The following GKAP1 variants were observed in gnomAD, a reference collection of about 807,000 sequenced individuals.
The protein encoded by GKAP1 is G kinase-anchoring protein 1.
In GKAP1, 31 loss-of-function variants were observed where a neutral mutation model predicts 56.7. That is an observed-to-expected ratio of 0.55 (90% CI 0.41 to 0.74). The LOEUF (loss-of-function observed/expected upper bound fraction) is 0.74. GKAP1 is among the 30% of genes least tolerant of loss of function. GKAP1 has a pLI of 0.00. For missense variants in GKAP1, 364 were observed against 402.3 expected (o/e 0.90, Z 0.82); for synonymous variants, 151 against 138.6 (o/e 1.09, Z -0.63).
intron 8 of GKAP1, among the ~76,000 whole-genome samples, chr9:83,753,970 T>C (rs1211089028): frequency 1.3e-5 from 2 of 152,210 alleles, no homozygotes; most frequent in Non-Finnish European, 2.9e-5. Context: ...AGGATGTTGT[T>C]CTTTGGAACT....
Position 83,806,323 on chromosome 9 carries a change from C to T in GKAP1, c.195G>A (p.Gln65=), listed in dbSNP as rs748385812. Residue 65 remains glutamine (Q), a synonymous_variant, in exon 3 of 13, where the codon CAG becomes CAA. Coordinates refer to ENST00000376371, the MANE Select transcript of GKAP1 (RefSeq NM_025211.4). The stretch of plus-strand genomic sequence containing the variant: ...TTACCTCATTTGCTTCACTCTGTTG[C>T]TGTTCCTTCTTTTTTCTTCTTTTCT... The part of the protein sequence containing the change: ...KREKRRKKKE[Q]QQSEANELRN... 5 of 1,550,236 alleles carry T rather than the reference C, an allele frequency of 3.2e-6. No homozygotes were observed. Among genetic ancestry groups the T allele is most frequent in the African/African-American group, 1.4e-5 (1 of 73,048 alleles).
chr9:83,811,320 A>C (rs1159240151), intron 2 of GKAP1, among the ~76,000 whole-genome samples: 1 of 152,250 alleles, frequency 6.6e-6, no homozygotes, highest in African/African-American at 2.4e-5. Context: ...GTGAGTGGTC[A>C]GCCACTGAAA....
intron 3 of GKAP1, among the ~76,000 whole-genome samples, chr9:83,801,552 G>C (rs904382424): frequency 1.3e-5 from 2 of 152,152 alleles, no homozygotes; most frequent in African/African-American, 4.8e-5. Context: ...AAACACCACT[G>C]TAAGTAGCTG....
intron 7 of GKAP1, among the ~76,000 whole-genome samples, chr9:83,778,660 T>C (rs959903104): frequency 6.6e-6 from 1 of 152,000 alleles, no homozygotes; most frequent in East Asian, 1.9e-4. Flanking sequence ...AATTTACCTA[T>C]ATAATAAACC....
chr9:83,771,296 G>A (rs926733410), intron 7 of GKAP1, among the ~76,000 whole-genome samples: 6 of 151,036 alleles, frequency 4.0e-5, no homozygotes, highest in African/African-American at 1.5e-4. Context: ...GTTGGCCAGT[G>A]GGTCTCAAAC....
intron 3 of GKAP1, among the ~76,000 whole-genome samples, chr9:83,803,835 T>C (rs2131318266): frequency 6.7e-6 from 1 of 148,822 alleles, no homozygotes; most frequent in Non-Finnish European, 1.5e-5. Flanking sequence ...AGCCATCCCA[T>C]CTGGGAAGTG....
At chr9:83,748,921 G>A (rs977210299) in intron 9 of GKAP1, 3 of 152,054 alleles carry the variant, frequency 2.0e-5, no homozygotes, top group African/African-American at 7.2e-5. Context: ...GAATTTTATA[G>A]GACAGTTCTA....
intron 8 of GKAP1, among the ~76,000 whole-genome samples, chr9:83,755,434 C>T (rs545834008): frequency 8.5e-5 from 13 of 152,052 alleles, no homozygotes; most frequent in Non-Finnish European, 1.6e-4. Context: ...AAAGATTTTG[C>T]TTTATTGTTT....
intron 7 of GKAP1, among the ~76,000 whole-genome samples, chr9:83,769,999 A>G (rs749297451): frequency 2.0e-5 from 3 of 152,146 alleles, no homozygotes; most frequent in African/African-American, 4.8e-5. Context: ...GAAGATTTGT[A>G]TATCTTTTTG....
chr9:83,806,591 G>C, intron 2 of GKAP1, 31 bp from the exon 3 acceptor site: 1 of 1,215,064 alleles, frequency 8.2e-7, no homozygotes. Context: ...AGGCAGATGG[G>C]TAAACAAACA....
chr9:83,812,895 A>G (rs1431757616), intron 2 of GKAP1, among the ~76,000 whole-genome samples: 1 of 152,340 alleles, frequency 6.6e-6, no homozygotes, highest in Non-Finnish European at 1.5e-5. Context: ...CATACTTTTA[A>G]GAGAACACTA....
intron 3 of GKAP1, among the ~76,000 whole-genome samples, chr9:83,804,663 G>T (rs1944404270): frequency 6.8e-6 from 1 of 147,418 alleles, no homozygotes; most frequent in Admixed American, 6.6e-5. Context: ...CCCCGTCCGG[G>T]AGGGAGGTGG....
chr9:83,780,308 C>T (rs1943948077), intron 7 of GKAP1, 74 bp downstream of exon 7: 1 of 874,416 alleles, frequency 1.1e-6, no homozygotes. Flanking sequence ...TCAAAAAAGA[C>T]TTACTGCTAA....
chr9:83,768,210 T>C (rs1943695800), intron 8 of GKAP1, among the ~76,000 whole-genome samples: 1 of 152,188 alleles, frequency 6.6e-6, no homozygotes, highest in Non-Finnish European at 1.5e-5. Flanking sequence ...GTAAACTTCT[T>C]AGTTGCAGAA....
chr9:83,792,518 T>G (rs1016600415), intron 4 of GKAP1, among the ~76,000 whole-genome samples: 1 of 152,118 alleles, frequency 6.6e-6, no homozygotes, highest in Non-Finnish European at 1.5e-5. Context: ...AAGAAGAGAC[T>G]GATCAAGTTT....
chr9:83,788,795 G>C (rs1944107927), intron 4 of GKAP1, 117 bp from the exon 5 acceptor site: 2 of 561,330 alleles, frequency 3.6e-6, no homozygotes, highest in Admixed American at 6.3e-5. Context: ...AAAACAATAT[G>C]GATTCTCCAA....
At chr9:83,815,435 C>T (rs543028708) in intron 2 of GKAP1, among the ~76,000 whole-genome samples, 1 of 151,668 alleles carries the variant, frequency 6.6e-6, no homozygotes, top group Admixed American at 6.6e-5. Context: ...TCCTAAGTGG[C>T]TGGTAGTCTT....
intron 9 of GKAP1, among the ~76,000 whole-genome samples, chr9:83,750,389 C>T (rs1411090222): frequency 6.6e-6 from 1 of 152,214 alleles, no homozygotes; most frequent in African/African-American, 2.4e-5. Flanking sequence ...TAAAACGCAA[C>T]ATATCCAAAA....
chr9:83,788,304 A>T (rs1473374997), intron 5 of GKAP1, among the ~76,000 whole-genome samples: 6 of 152,122 alleles, frequency 3.9e-5, no homozygotes, highest in South Asian at 2.1e-4. Flanking sequence ...AAAAATAAAT[A>T]AAATTAAATT....
Sources: gnomAD v4.1 joint callset for allele counts (sites outside exome capture counted in the v4.1 genomes callset) on GRCh38, gnomAD v4.1.1 for gene constraint, MANE v1.5 for transcripts, NCBI Gene and HGNC (gene_info 2026-07-23, HGNC 2026-07-21) for gene names.